Variants in ENTPD1 observed in about 807,000 individuals in gnomAD.
The protein encoded by ENTPD1 is ectonucleoside triphosphate diphosphohydrolase 1.
ENTPD1 carries 33 observed loss-of-function variants against 57.0 expected under a neutral mutation model. The ratio of observed to expected loss-of-function variants is 0.58; its 90% CI spans 0.44 to 0.77. The LOEUF (loss-of-function observed/expected upper bound fraction) is 0.77. Among genes scored for constraint, ENTPD1 ranks in the 30% least tolerant of loss-of-function variants. ENTPD1 has a pLI of 0.00. For missense variants in ENTPD1, 501 were observed against 603.4 expected (o/e 0.83, Z 1.78); for synonymous variants, 202 against 218.8 (o/e 0.92, Z 0.68).
At chr10:95,744,635 AG>A (rs2098004151) in intron 1 of ENTPD1, among the ~76,000 whole-genome samples, 1 of 146,240 alleles carries the variant, frequency 6.8e-6, no homozygotes, top group African/African-American at 2.5e-5. Flanking sequence ...AAAAAAAAAA[AG>A]TGACTAGGTC....
chr10:95,865,239 T>A (rs1405150988), intron 9 of ENTPD1, among the ~76,000 whole-genome samples: 1 of 152,248 alleles, frequency 6.6e-6, no homozygotes, highest in African/African-American at 2.4e-5. Flanking sequence ...AGTATGATCA[T>A]GGTTTCATCA....
At chr10:95,835,818 CTTTAG>C (rs1259373374) in intron 2 of ENTPD1, among the ~76,000 whole-genome samples, 1 of 151,902 alleles carries the variant, frequency 6.6e-6, no homozygotes, top group African/African-American at 2.4e-5. Context: ...TGCAGAAGCT[CTTTAG>C]TTTAATTAGG....
chr10:95,749,180 C>T (rs2098009192), intron 1 of ENTPD1, among the ~76,000 whole-genome samples: 1 of 152,110 alleles, frequency 6.6e-6, no homozygotes. Flanking sequence ...GACACTTTTC[C>T]CCATCAATGA....
At position 95,843,801 on chromosome 10, in the gene ENTPD1, T is replaced by C. The variant is rs527765033; in HGVS notation, c.414-675T>C. Among the ~76,000 whole-genome samples the C allele has an allele frequency of 2.3e-3, 351 of 152,330 alleles. 2 individuals are homozygous for C. Among genetic ancestry groups the C allele is most frequent in the Non-Finnish European group, 4.3e-3 (291 of 68,034 alleles). ...TAGATGAGAGATGACAGGGGCCTAA[T>C]GCCAGCTGGAAGGTAGCATCCTCTC... On this transcript the variant is annotated intron_variant, in intron 4 of 9. Transcript: ENST00000371205.
chr10:95,876,614 G>C lies in ENTPD1; in HGVS notation c.*10231G>C. The C allele has an allele frequency of 8.1e-7, 1 of 1,229,856 alleles. No homozygotes were observed. The highest frequency in any genetic ancestry group is 1.6e-5 in the African/African-American group (1 of 64,514). 76.2% of individuals were successfully genotyped at this position (1,229,856 alleles called of 1,614,324 possible). A position where few individuals can be genotyped will look rare whatever the true frequency, so the allele number is the denominator to read the frequency against. On this transcript the variant is annotated 3_prime_UTR_variant, in exon 10 of 10. Transcript: ENST00000371205. ...ATGAATCCACTCTGTCTCCTGCAGT[G>C]AAGTCTGTTTGAAGGATGTATTTGG...
intron 1 of ENTPD1, among the ~76,000 whole-genome samples, chr10:95,796,169 A>G (rs771626959): frequency 2.8e-4 from 43 of 152,198 alleles, no homozygotes; most frequent in Non-Finnish European, 6.2e-4. Context: ...CAACTGACAT[A>G]TGTAACACTG....
intron 7 of ENTPD1, among the ~76,000 whole-genome samples, chr10:95,854,582 T>G (rs994531331): frequency 5.9e-5 from 9 of 152,242 alleles, no homozygotes; most frequent in African/African-American, 2.2e-4. Context: ...TGCCATAAAT[T>G]TCCCTCTACA....
At position 95,873,285 on chromosome 10, in the gene ENTPD1, G is replaced by C. The variant is rs2141032876; in HGVS notation, c.*6902G>C. ...TTCACAGGCATTCTGTTCCACAGCA[G>C]GCCAGCTAACGTGGTATTTACAAAG... On this transcript the variant is annotated 3_prime_UTR_variant, in exon 10 of 10. Coordinates refer to ENST00000371205, the MANE Select transcript of ENTPD1 (RefSeq NM_001776.6). 5.1e-6 allele frequency: 5 copies of C among 985,416 alleles called. No homozygotes were observed. The South Asian group carries it at 1.9e-4, about 37-fold the overall frequency. 61.0% of individuals were successfully genotyped at this position (985,416 alleles called of 1,614,324 possible). A position where few individuals can be genotyped will look rare whatever the true frequency, so the allele number is the denominator to read the frequency against.
chr10:95,844,372 A>G (rs2098429506), intron 4 of ENTPD1, 104 bp from the exon 5 acceptor site: 2 of 1,490,264 alleles, frequency 1.3e-6, no homozygotes, highest in Admixed American at 1.7e-5. Context: ...CCAGGGCATT[A>G]TGGTTCACTT....
At position 95,868,730 on chromosome 10, in the gene ENTPD1, T is replaced by C; in HGVS notation, c.*2347T>C. 7 of 985,336 alleles carry C rather than the reference T, an allele frequency of 7.1e-6. No individual in the cohort carries two copies. Among genetic ancestry groups the C allele is most frequent in the Non-Finnish European group, 8.4e-6 (7 of 829,848 alleles). 61.0% of individuals were successfully genotyped at this position (985,336 alleles called of 1,614,324 possible). On this transcript the variant is annotated 3_prime_UTR_variant, in exon 10 of 10. Transcript: ENST00000371205. ...GTCTTCTGGTTGAAGCCTATTGCTT[T>C]TTCTTTTCTAAACACTTTCCCTCAG...
chr10:95,801,051 G>A (rs1055266085), intron 1 of ENTPD1, among the ~76,000 whole-genome samples: 1 of 152,132 alleles, frequency 6.6e-6, no homozygotes, highest in African/African-American at 2.4e-5. Context: ...AGTAAAGACA[G>A]GCATAAGAAA....
At chr10:95,773,725 G>T (rs1447199601) in intron 1 of ENTPD1, among the ~76,000 whole-genome samples, 15 of 152,124 alleles carry the variant, frequency 9.9e-5, no homozygotes, top group Non-Finnish European at 1.5e-5. Flanking sequence ...TCTTAATCCG[G>T]TCTATCACTG....
Position 95,869,811 on chromosome 10 carries a change from A to G in ENTPD1, c.*3428A>G. The G allele has an allele frequency of 2.8e-6, 2 of 712,842 alleles. No homozygotes were observed. The highest frequency in any genetic ancestry group is 3.4e-6 in the Non-Finnish European group (2 of 581,352). 44.2% of individuals were successfully genotyped at this position (712,842 alleles called of 1,614,324 possible). ...ACTAAATCCAAAATACTATCAAGGAATCAATATAAAAATTGTTAATATTTT... is the reference window on the plus strand; with the variant it reads ...ACTAAATCCAAAATACTATCAAGGAGTCAATATAAAAATTGTTAATATTTT... On this transcript the variant is annotated 3_prime_UTR_variant, in exon 10 of 10. Transcript: ENST00000371205.
intron 2 of ENTPD1, among the ~76,000 whole-genome samples, chr10:95,832,997 G>A (rs1354211342): frequency 2.0e-5 from 3 of 152,174 alleles, no homozygotes; most frequent in Non-Finnish European, 4.4e-5. Context: ...CTGTTAAAGG[G>A]TAATGACCTT....
intron 7 of ENTPD1, among the ~76,000 whole-genome samples, chr10:95,859,090 G>A (rs1378660236): frequency 1.3e-5 from 2 of 152,090 alleles, no homozygotes; most frequent in East Asian, 3.8e-4. Context: ...GCCAAAAAAA[G>A]GAAAATTTAT....
chr10:95,863,908 G>A (rs1418149182), intron 8 of ENTPD1, among the ~76,000 whole-genome samples: 3 of 152,208 alleles, frequency 2.0e-5, no homozygotes, highest in Non-Finnish European at 4.4e-5. Context: ...GAACTAGAGA[G>A]GTCCTGGCCT....
In ENTPD1 at chr10:95,872,573, C is replaced by T. The variant is rs1477965330; in HGVS notation, c.*6190C>T. On this transcript the variant is annotated 3_prime_UTR_variant, in exon 10 of 10. Coordinates refer to ENST00000371205, the MANE Select transcript of ENTPD1 (RefSeq NM_001776.6). ...CTACCACAACCCTTTAACTGAGCCT[C>T]CATTAGTGCACTGAGACCATTCTGT... 1.0e-6 allele frequency: 1 copy of T among 985,312 alleles called. No homozygotes were observed. Among genetic ancestry groups the T allele is most frequent in the African/African-American group, 1.7e-5 (1 of 57,238 alleles). The allele number at this position is 985,312 out of a possible 1,614,324, so 61.0% of individuals were successfully genotyped here.
intron 5 of ENTPD1, chr10:95,844,865 G>A: frequency 1.6e-6 from 1 of 609,214 alleles, no homozygotes; most frequent in Non-Finnish European, 2.9e-6. Flanking sequence ...TTTACCTTAG[G>A]GAGGCATAAA....
chr10:95,777,358 T>G (rs955899892), intron 1 of ENTPD1, among the ~76,000 whole-genome samples: 10 of 152,226 alleles, frequency 6.6e-5, no homozygotes, highest in African/African-American at 2.4e-4. Context: ...TATTCCTTTC[T>G]GTTTGTTAGT....
Sources: allele counts gnomAD v4.1 joint callset (sites outside exome capture counted in the v4.1 genomes callset), GRCh38; gene constraint gnomAD v4.1.1; transcripts MANE v1.5; gene names NCBI Gene and HGNC (gene_info 2026-07-23, HGNC 2026-07-21).